The following DMD variants were observed in gnomAD, a reference collection of about 807,000 sequenced individuals.
DMD encodes the protein mutant dystrophin.
DMD carries 63 observed loss-of-function variants against 330.1 expected under a neutral mutation model. The ratio of observed to expected loss-of-function variants is 0.19; its 90% CI spans 0.16 to 0.24. The LOEUF (loss-of-function observed/expected upper bound fraction) is 0.24, where lower values mean the gene tolerates loss of function less well. DMD is among the 10% of genes least tolerant of loss of function. The pLI is 1.00. For missense variants in DMD, 3,344 were observed against 2,684.1 expected (o/e 1.25, Z -5.43); for synonymous variants, 1,223 against 959.8 (o/e 1.27, Z -5.07).
At chrX:31,188,421 A>T (rs1026238686) in intron 67 of DMD, among the ~76,000 whole-genome samples, 16 of 112,200 alleles carry the variant, frequency 1.4e-4, no homozygotes, top group African/African-American at 4.5e-4. Context: ...GTATGATGGC[A>T]TTCACTGGAC....
At chrX:32,542,456 A>G (rs1374301593) in intron 17 of DMD, among the ~76,000 whole-genome samples, 1 of 111,961 alleles carries the variant, frequency 8.9e-6, no homozygotes, top group African/African-American at 3.2e-5. Flanking sequence ...CAGAAAGGCA[A>G]AGAGATGGAT....
In DMD at chrX:33,199,127, A is replaced by G. The variant is rs1468525392; in HGVS notation, c.31+12155T>C. Among the ~76,000 whole-genome samples the G allele has an allele frequency of 2.7e-5, 3 of 111,381 alleles. No individual in the cohort carries two copies. The East Asian group carries it at 8.5e-4, about 31-fold the overall frequency. ...TTCCTAGCAACCAAGAGAAACTACTAACATGATTTAACAAGTGGTGGTATC... is the reference window on the plus strand; with the variant it reads ...TTCCTAGCAACCAAGAGAAACTACTGACATGATTTAACAAGTGGTGGTATC... On this transcript the variant is annotated intron_variant, in intron 1 of 78. Transcript: ENST00000357033.
chrX:31,250,728 G>C (rs2049264856), intron 63 of DMD, among the ~76,000 whole-genome samples: 1 of 111,553 alleles, frequency 9.0e-6, no homozygotes, highest in Admixed American at 9.5e-5. Flanking sequence ...CATGTGGTGT[G>C]AATGCATACT....
At chrX:33,251,888 G>C in intron 1 of DMD, among the ~76,000 whole-genome samples, 1 of 112,079 alleles carries the variant, frequency 8.9e-6, no homozygotes, top group Non-Finnish European at 1.9e-5. Context: ...AAATGTTAAT[G>C]TGTGAAATAA....
intron 7 of DMD, among the ~76,000 whole-genome samples, chrX:32,797,882 T>A (rs2148668976): frequency 9.0e-6 from 1 of 111,654 alleles, no homozygotes; most frequent in Non-Finnish European, 1.9e-5. Context: ...AGGTAAGAAT[T>A]ATATTTAAAT....
chrX:31,587,454 A>G (rs959655437), intron 55 of DMD, among the ~76,000 whole-genome samples: 58 of 112,581 alleles, frequency 5.2e-4, no homozygotes, highest in Non-Finnish European at 3.8e-5. Flanking sequence ...TACAACCTTT[A>G]TCAATTTAAA....
chrX:31,382,567 C>T (rs1326505229), intron 60 of DMD, among the ~76,000 whole-genome samples: 1 of 111,840 alleles, frequency 8.9e-6, no homozygotes, highest in Non-Finnish European at 1.9e-5. Context: ...TAGGCACTCT[C>T]TAATTAGACG....
intron 1 of DMD, among the ~76,000 whole-genome samples, chrX:33,227,900 G>C (rs1165292281): frequency 9.0e-6 from 1 of 111,165 alleles, no homozygotes; most frequent in Non-Finnish European, 1.9e-5. Context: ...CCTGTTAATG[G>C]AAATCAGAGA....
chrX:32,806,211 T>C (rs966254087), intron 7 of DMD, among the ~76,000 whole-genome samples: 2 of 111,200 alleles, frequency 1.8e-5, no homozygotes, highest in Non-Finnish European at 3.8e-5. Flanking sequence ...AAGACACACA[T>C]AGGCTCAAAA....
In DMD at chrX:31,988,962, C is replaced by T. The variant is rs574092074; in HGVS notation, c.6439-20448G>A. 2.7e-5 allele frequency among the ~76,000 whole-genome samples: 3 copies of T among 112,055 alleles called. No individual in the cohort carries two copies. The South Asian group carries it at 1.1e-3, about 42-fold the overall frequency. The stretch of plus-strand genomic sequence containing the variant: ...GCATGAGAACCAAGAAAGCCAATGA[C>T]GTTAAGTTCCAGCCCCAGAACTGGA... On this transcript the variant is annotated intron_variant, in intron 44 of 78. Coordinates refer to ENST00000357033, the MANE Select transcript of DMD (RefSeq NM_004006.3).
chrX:32,143,969 T>C (rs7883351), intron 44 of DMD, among the ~76,000 whole-genome samples: 11,109 of 110,701 alleles, frequency 0.1, 1,287 homozygotes, highest in African/African-American at 0.33. Flanking sequence ...CAAGAAAATA[T>C]GTTTCGTTCT....
At chrX:31,692,477 A>T (rs1433633135) in intron 52 of DMD, among the ~76,000 whole-genome samples, 1 of 111,781 alleles carries the variant, frequency 8.9e-6, no homozygotes, top group African/African-American at 3.2e-5. Context: ...CAATAAAACT[A>T]AAAGTTGGTT....
intron 2 of DMD, among the ~76,000 whole-genome samples, chrX:32,878,718 G>A (rs1241451919): frequency 2.7e-5 from 3 of 110,515 alleles, no homozygotes; most frequent in East Asian, 2.9e-4. Context: ...AGGATAAATC[G>A]TAATATTGGG....
At chrX:31,424,210 T>C (rs969616611) in intron 60 of DMD, among the ~76,000 whole-genome samples, 2 of 111,957 alleles carry the variant, frequency 1.8e-5, no homozygotes. Flanking sequence ...ACTCACTGTA[T>C]GTTGAAATGT....
chrX:32,932,470 A>G (rs1261404865), intron 2 of DMD, among the ~76,000 whole-genome samples: 1 of 111,993 alleles, frequency 8.9e-6, no homozygotes, highest in East Asian at 2.8e-4. Flanking sequence ...TTTTCCATCT[A>G]TGGGGTAAAA....
In DMD at chrX:32,415,765, A is replaced by G. The variant is rs182138623; in HGVS notation, c.4072-3852T>C. On this transcript the variant is annotated intron_variant, in intron 29 of 78. Coordinates refer to ENST00000357033, the MANE Select transcript of DMD (RefSeq NM_004006.3). Reference sequence around the variant, plus strand: ...TTTAATAACTGGCGATCAATGACAAAAATATAAAAATAGAAAACAATCCTA... The same window carrying G: ...TTTAATAACTGGCGATCAATGACAAGAATATAAAAATAGAAAACAATCCTA... Among the ~76,000 whole-genome samples the G allele has an allele frequency of 2.8e-3, 311 of 112,488 alleles. 2 individuals carry two copies. The highest frequency in any genetic ancestry group is 3.8e-3 in the Admixed American group (40 of 10,559).
At chrX:31,991,761 TAA>T (rs35367607) in intron 44 of DMD, among the ~76,000 whole-genome samples, 3 of 88,700 alleles carry the variant, frequency 3.4e-5, no homozygotes, top group East Asian at 3.6e-4. Context: ...TTACAGACTT[TAA>T]AAAAAAAAAA....
chrX:32,940,968 C>T (rs759945790), intron 2 of DMD, among the ~76,000 whole-genome samples: 53 of 111,240 alleles, frequency 4.8e-4, no homozygotes, highest in Non-Finnish European at 8.1e-4. Context: ...CAAAATACAA[C>T]GCCATCAAAA....
At chrX:32,764,037 T>A (rs886271030) in intron 7 of DMD, among the ~76,000 whole-genome samples, 39 of 111,103 alleles carry the variant, frequency 3.5e-4, no homozygotes, top group African/African-American at 1.0e-3. Flanking sequence ...AAAATGTTAC[T>A]AATATATTTC....
Sources: allele counts gnomAD v4.1 joint callset (sites outside exome capture counted in the v4.1 genomes callset), GRCh38; gene constraint gnomAD v4.1.1; transcripts MANE v1.5; gene names NCBI Gene and HGNC (gene_info 2026-07-23, HGNC 2026-07-21).